Variants in RECQL observed in about 807,000 individuals in gnomAD.
RECQL encodes the protein RecQ like helicase.
A neutral mutation model predicts 75.8 loss-of-function variants in RECQL; 73 were observed. The observed-to-expected ratio is 0.96, with a 90% confidence interval of 0.80 to 1.17. RECQL has a LOEUF of 1.17. Ranked by LOEUF, RECQL falls within the 50% of genes most tolerant of loss-of-function variation. RECQL has a pLI of 0.00. For missense variants in RECQL, 699 were observed against 772.1 expected, an observed-to-expected ratio of 0.91 and a Z score of 1.12; for synonymous variants, 248 against 254.4, an observed-to-expected ratio of 0.97 and a Z score of 0.24.
Position 21,486,547 on chromosome 12 carries a change from C to T in RECQL, c.433G>A (p.Glu145Lys), listed in dbSNP as rs1347153563. 1 of 1,597,694 alleles carries T rather than the reference C, an allele frequency of 6.3e-7. No homozygotes were observed. Among genetic ancestry groups the T allele is most frequent in the South Asian group, 1.1e-5 (1 of 87,270 alleles). Residue 145 changes from glutamate to lysine, a missense_variant, in exon 5 of 15, where the codon GAA becomes AAA. Around this residue, in one of 2 missense-constraint regions of RECQL, gnomAD observed 669 missense variants for 713.5 expected, o/e 0.94. Transcript: ENST00000444129. ...TGTTTTAAAACCATTAATTGGTCTT[C>T]CATAAGAGAGATCAATGGGCAAATG... is the stretch of plus-strand genomic sequence containing the variant. ...LVICPLISLMEDQLMVLKQLG... is the reference protein window; with the variant it reads ...LVICPLISLMKDQLMVLKQLG...
intron 14 of RECQL, chr12:21,470,706 C>T: frequency 3.1e-6 from 1 of 319,156 alleles, no homozygotes; most frequent in Non-Finnish European, 5.6e-6. Context: ...GAGCAGAGTG[C>T]ATAACAAAAT....
intron 2 of RECQL, among the ~76,000 whole-genome samples, chr12:21,492,013 T>C (rs1276490291): frequency 6.6e-6 from 1 of 152,176 alleles, no homozygotes; most frequent in Non-Finnish European, 1.5e-5. Context: ...TGAGATAATA[T>C]ATTAGGAGTT....
At position 21,501,534 on chromosome 12, in the gene RECQL, C is replaced by A; in HGVS notation, c.-410G>T. ...ACTGTCCTGTGTCCGACTCTCCGATCTCCGACTCTCGGATCTCCGACACCA... is the reference window on the plus strand; with the variant it reads ...ACTGTCCTGTGTCCGACTCTCCGATATCCGACTCTCGGATCTCCGACACCA... On this transcript the variant is annotated 5_prime_UTR_variant, in exon 1 of 15. Transcript: ENST00000444129. 1 of 232,502 alleles carries A rather than the reference C, an allele frequency of 4.3e-6. No homozygotes were observed. The highest frequency in any genetic ancestry group is 5.3e-5 in the South Asian group (1 of 18,794). 14.4% of individuals were successfully genotyped at this position (232,502 alleles called of 1,614,324 possible).
At chr12:21,484,900 C>T (rs1943260326) in intron 5 of RECQL, among the ~76,000 whole-genome samples, 1 of 151,126 alleles carries the variant, frequency 6.6e-6, no homozygotes, top group African/African-American at 2.4e-5. Flanking sequence ...TCTGAAAACT[C>T]ATAAAGAAAG....
Position 21,470,128 on chromosome 12 carries a change from A to T in RECQL, c.*66T>A. ...AAATTCTTTTAAAAACTATTGTCTA[A>T]CTACAAAAATAATGGCATATACATG... is the stretch of plus-strand genomic sequence containing the variant. On this transcript the variant is annotated 3_prime_UTR_variant, in exon 15 of 15. Transcript: ENST00000444129. The T allele has an allele frequency of 6.4e-7, 1 of 1,553,110 alleles. No homozygotes were observed. The highest frequency in any genetic ancestry group is 1.2e-5 in the South Asian group (1 of 83,738).
chr12:21,495,589 C>T (rs917031645), intron 2 of RECQL, among the ~76,000 whole-genome samples: 9 of 150,732 alleles, frequency 6.0e-5, no homozygotes, highest in South Asian at 2.1e-4. Context: ...AGTGAGACTC[C>T]GTCCAAAAAA....
At chr12:21,473,859 G>T (rs1056174303) in intron 11 of RECQL, among the ~76,000 whole-genome samples, 1 of 152,004 alleles carries the variant, frequency 6.6e-6, no homozygotes, top group Admixed American at 6.6e-5. Flanking sequence ...AGAGTGTCAG[G>T]TTCTTCTCAC....
At position 21,483,434 on chromosome 12, in the gene RECQL, A is replaced by C. The variant is rs113128126; in HGVS notation, c.642T>G (p.Thr214=). 2.0e-5 allele frequency: 32 copies of C among 1,606,814 alleles called. No homozygotes were observed. In the African/African-American group the frequency reaches 3.6e-4, roughly 18 times the overall value. ...AGTGAACTTCATCCACAGCAATTCG[A>C]GTAAATCTCCTTGCTTCATAGGCTT... ...LEKAYEARRF[T]RIAVDEVHCC... is the part of the protein sequence containing the mutation. Residue 214 remains threonine, a synonymous_variant, in exon 6 of 15, where the codon ACT becomes ACG. Coordinates refer to ENST00000444129, the MANE Select transcript of RECQL (RefSeq NM_002907.4).
intron 1 of RECQL, among the ~76,000 whole-genome samples, chr12:21,499,845 A>G (rs1160682614): frequency 6.6e-6 from 1 of 152,220 alleles, no homozygotes; most frequent in Non-Finnish European, 1.5e-5. Flanking sequence ...CTAACTCTCT[A>G]GATTTCAGAG....
chr12:21,495,587 TC>T (rs1352197088), intron 2 of RECQL, among the ~76,000 whole-genome samples: 1 of 151,476 alleles, frequency 6.6e-6, no homozygotes, highest in Non-Finnish European at 1.5e-5. Flanking sequence ...AGAGTGAGAC[TC>T]CGTCCAAAAA....
Position 21,488,626 on chromosome 12 carries a change from C to T in RECQL, c.394+1573G>A, listed in dbSNP as rs576239243. 3.9e-5 allele frequency among the ~76,000 whole-genome samples: 6 copies of T among 152,302 alleles called. No homozygotes were observed. The South Asian group carries it at 1.2e-3, about 32-fold the overall frequency. On this transcript the variant is annotated intron_variant, in intron 4 of 14. Coordinates refer to ENST00000444129, the MANE Select transcript of RECQL (RefSeq NM_002907.4). ...CAAGAGTTCTTTCGCCAATGTACCC[C>T]ATTTCAGTGAAGAACCTCACCACTT...
At chr12:21,483,867 G>A (rs1205001076) in intron 5 of RECQL, among the ~76,000 whole-genome samples, 1 of 152,088 alleles carries the variant, frequency 6.6e-6, no homozygotes, top group African/African-American at 2.4e-5. Context: ...TTTATTCTAT[G>A]AAGGCATAAT....
At chr12:21,472,822 A>G (rs772183511) in intron 12 of RECQL, among the ~76,000 whole-genome samples, 1 of 152,102 alleles carries the variant, frequency 6.6e-6, no homozygotes, top group Non-Finnish European at 1.5e-5. Context: ...GTGATTCTCT[A>G]TAGTCTCTAT....
chr12:21,476,625 T>C (rs1161431164), intron 8 of RECQL, among the ~76,000 whole-genome samples: 4 of 152,134 alleles, frequency 2.6e-5, no homozygotes, highest in African/African-American at 7.2e-5. Context: ...ATACTAAATA[T>C]GTGCTGTTGA....
chr12:21,489,693 G>T (rs1332590464), intron 4 of RECQL, among the ~76,000 whole-genome samples: 2 of 152,084 alleles, frequency 1.3e-5, no homozygotes, highest in Non-Finnish European at 2.9e-5. Flanking sequence ...TTTGCCCCTT[G>T]TATCTTCTGT....
intron 2 of RECQL, among the ~76,000 whole-genome samples, chr12:21,495,568 C>G (rs1440778802): frequency 1.3e-5 from 2 of 151,976 alleles, no homozygotes; most frequent in East Asian, 3.9e-4. Flanking sequence ...GTACTCCAGC[C>G]TGGGTGACAG....
In RECQL at chr12:21,470,263, A is replaced by C; in HGVS notation, c.1881T>G (p.Ala627=). 2 of 1,609,518 alleles carry C rather than the reference A, an allele frequency of 1.2e-6. No homozygotes were observed. Among genetic ancestry groups the C allele is most frequent in the Non-Finnish European group, 1.7e-6 (2 of 1,178,326 alleles). ...AACCAGATTGCTGAAGCATGTTTGCAGCCTTCTTCTGGAAGTTGCCTGAAT... is the reference window on the plus strand; with the variant it reads ...AACCAGATTGCTGAAGCATGTTTGCCGCCTTCTTCTGGAAGTTGCCTGAAT... ...EKNSGNFQKK[A]ANMLQQSGSK... is the part of the protein sequence containing the mutation. The change falls in exon 15 of 15, where the codon GCT becomes GCG. Residue 627 remains alanine (A), a synonymous_variant. Transcript: ENST00000444129.
rs73071365 is a variant in RECQL at position 21,495,260 on chromosome 12, A to G, written c.17-3544T>C. 4.0e-3 allele frequency among the ~76,000 whole-genome samples: 603 copies of G among 152,192 alleles called. 3 individuals carry two copies. The highest frequency in any genetic ancestry group is 5.5e-3 in the Non-Finnish European group (373 of 67,994). On this transcript the variant is annotated intron_variant, in intron 2 of 14. Transcript: ENST00000444129. Reference sequence around the variant, plus strand: ...AATGTATGTAATGAATCTTCCTACTACTCTTCACCAGGAAGTTTATTAGGG... The same window carrying G: ...AATGTATGTAATGAATCTTCCTACTGCTCTTCACCAGGAAGTTTATTAGGG...
chr12:21,493,969 G>A (rs1272524976), intron 2 of RECQL, among the ~76,000 whole-genome samples: 1 of 152,202 alleles, frequency 6.6e-6, no homozygotes, highest in African/African-American at 2.4e-5. Context: ...GCGTATCCGA[G>A]GCTGGGTAAT....
Sources: allele counts gnomAD v4.1 joint callset (sites outside exome capture counted in the v4.1 genomes callset), GRCh38; gene constraint gnomAD v4.1.1; regional missense constraint gnomAD v4.1.1; transcripts MANE v1.5; gene names NCBI Gene and HGNC (gene_info 2026-07-23, HGNC 2026-07-21).